Variants in ANO4 observed in about 807,000 individuals in gnomAD.
ANO4 encodes the protein anoctamin 4.
Under a neutral mutation model 141.9 loss-of-function variants are expected in ANO4, and 69 were observed. The ratio of observed to expected loss-of-function variants is 0.49; its 90% confidence interval spans 0.40 to 0.59. ANO4 has a LOEUF of 0.59. Among genes scored for constraint, ANO4 ranks in the 20% least tolerant of loss-of-function variants. The probability of loss-of-function intolerance (pLI) is 0.00; values close to 1 mark genes in which losing one functional copy is unlikely to be tolerated. For synonymous variants in ANO4, 350 were observed against 394.3 expected (o/e 0.89, Z 1.33); for missense variants, 894 against 1,162.2 (o/e 0.77, Z 3.36).
chr12:100,793,571 GA>G (rs200580344), upstream of ANO4, among the ~76,000 whole-genome samples: 12 of 146,524 alleles, frequency 8.2e-5, no homozygotes, highest in South Asian at 4.3e-4. Context: ...AAGTCACCTG[GA>G]AAAAAAAAAC....
chr12:100,957,248 C>T (rs983742505), intron 5 of ANO4, among the ~76,000 whole-genome samples: 2 of 152,196 alleles, frequency 1.3e-5, no homozygotes, highest in African/African-American at 4.8e-5. Flanking sequence ...TGGAAGTAGA[C>T]ACATGCGAAG....
chr12:100,722,214 G>A (rs2030899417), intron 1 of ANO4, among the ~76,000 whole-genome samples: 1 of 151,954 alleles, frequency 6.6e-6, no homozygotes, highest in African/African-American at 2.4e-5. Context: ...CTTTCTCCTT[G>A]CCCTGCCCTC....
intron 1 of ANO4, among the ~76,000 whole-genome samples, chr12:100,846,123 T>G (rs2037544012): frequency 6.6e-6 from 1 of 152,236 alleles, no homozygotes; most frequent in Non-Finnish European, 1.5e-5. Context: ...AGATTGCAAA[T>G]TAACTAGCAA....
chr12:100,795,425 C>A (rs1480782827), intron 1 of ANO4, among the ~76,000 whole-genome samples: 2 of 152,166 alleles, frequency 1.3e-5, no homozygotes, highest in East Asian at 3.9e-4. Flanking sequence ...GTGACCTGCC[C>A]ACATAGCAAA....
intron 22 of ANO4, among the ~76,000 whole-genome samples, chr12:101,102,580 T>C (rs1222099479): frequency 1.3e-5 from 2 of 152,190 alleles, no homozygotes; most frequent in African/African-American, 2.4e-5. Context: ...TTGTTATTTA[T>C]ATATTCTGGA....
chr12:101,067,487 G>A (rs1388473355), intron 14 of ANO4, among the ~76,000 whole-genome samples: 1 of 152,198 alleles, frequency 6.6e-6, no homozygotes, highest in African/African-American at 2.4e-5. Context: ...TTCAAGACCT[G>A]CCTAGGCAAC....
chr12:101,006,000 T>G (rs1305484443), intron 8 of ANO4, among the ~76,000 whole-genome samples: 1 of 152,170 alleles, frequency 6.6e-6, no homozygotes, highest in East Asian at 1.9e-4. Flanking sequence ...ACCTAGCCAA[T>G]ATCAAAGGTA....
At chr12:100,734,626 AC>A (rs2136828184) in intron 2 of ANO4, among the ~76,000 whole-genome samples, 1 of 152,332 alleles carries the variant, frequency 6.6e-6, no homozygotes, top group Non-Finnish European at 1.5e-5. Context: ...AGATGAGGAA[AC>A]TTGCGCTTTG....
intron 1 of ANO4, among the ~76,000 whole-genome samples, chr12:100,837,647 G>A (rs1194986294): frequency 6.7e-6 from 1 of 149,744 alleles, no homozygotes; most frequent in Non-Finnish European, 1.5e-5. Context: ...CTCTCCCTGG[G>A]AGTTCAAGAT....
chr12:100,939,079 A>G (rs1341979458), intron 3 of ANO4, among the ~76,000 whole-genome samples: 1 of 152,208 alleles, frequency 6.6e-6, no homozygotes, highest in Non-Finnish European at 1.5e-5. Context: ...TTATATTTAC[A>G]TTACGGATGT....
At chr12:101,066,246 T>C (rs1041875584) in intron 14 of ANO4, among the ~76,000 whole-genome samples, 1 of 152,194 alleles carries the variant, frequency 6.6e-6, no homozygotes, top group African/African-American at 2.4e-5. Context: ...AACATAGTAC[T>C]GGAAGTCCTA....
In ANO4 at chr12:100,853,799, G is replaced by A. The variant is rs551206636; in HGVS notation, c.-140-47847G>A. On this transcript the variant is annotated intron_variant, in intron 1 of 27. Coordinates refer to ENST00000392977, the MANE Select transcript of ANO4 (RefSeq NM_001286615.2). ...TATCTCTGTCCTCTTCCCAAATAAC[G>A]CAAGGATCTAAATACCATTTAACTA... Among the ~76,000 whole-genome samples the A allele has an allele frequency of 1.5e-4, 23 of 152,124 alleles. No individual in the cohort carries two copies. The East Asian group carries it at 4.1e-3, about 27-fold the overall frequency.
At chr12:100,803,978 G>A (rs987666578) in intron 1 of ANO4, among the ~76,000 whole-genome samples, 3 of 151,600 alleles carry the variant, frequency 2.0e-5, no homozygotes, top group Middle Eastern at 3.4e-3. Flanking sequence ...TAAGTTCTGC[G>A]GTAATGTGCA....
upstream of ANO4, among the ~76,000 whole-genome samples, chr12:100,791,591 T>TCATTCC (rs1186763010): frequency 6.6e-6 from 1 of 152,240 alleles, no homozygotes; most frequent in Non-Finnish European, 1.5e-5. Context: ...TGGACTTGTG[T>TCATTCC]CATTCCCACC....
At chr12:101,080,900 T>TATATACACAC (rs1194122665) in intron 15 of ANO4, among the ~76,000 whole-genome samples, 17 of 131,034 alleles carry the variant, frequency 1.3e-4, no homozygotes, top group African/African-American at 3.7e-4. Context: ...TATATATATA[T>TATATACACAC]ACATACACAT....
At chr12:101,049,274 T>G (rs2136662959) in intron 14 of ANO4, among the ~76,000 whole-genome samples, 1 of 152,342 alleles carries the variant, frequency 6.6e-6, no homozygotes, top group Admixed American at 6.5e-5. Flanking sequence ...TAGGCTCATC[T>G]TGTTCATTAT....
intron 1 of ANO4, among the ~76,000 whole-genome samples, chr12:100,875,485 T>G (rs1342580710): frequency 6.6e-6 from 1 of 152,186 alleles, no homozygotes; most frequent in East Asian, 1.9e-4. Context: ...CTGGGTTTGG[T>G]GAATAACTAA....
At chr12:101,040,908 C>A (rs1244233877) in intron 11 of ANO4, among the ~76,000 whole-genome samples, 3 of 152,108 alleles carry the variant, frequency 2.0e-5, no homozygotes, top group Non-Finnish European at 1.5e-5. Flanking sequence ...CCAGCTTCAT[C>A]CATGTCCCTG....
At chr12:101,058,279 T>A (rs1166648007) in intron 14 of ANO4, among the ~76,000 whole-genome samples, 2 of 152,230 alleles carry the variant, frequency 1.3e-5, no homozygotes, top group Admixed American at 1.3e-4. Context: ...GTAGTATAGT[T>A]TGAAGTCAGG....
Sources: allele counts gnomAD v4.1 joint callset (sites outside exome capture counted in the v4.1 genomes callset), GRCh38; gene constraint gnomAD v4.1.1; transcripts MANE v1.5; gene names NCBI Gene and HGNC (gene_info 2026-07-23, HGNC 2026-07-21).